The following MALRD1 variants were observed in gnomAD, a reference collection of about 807,000 sequenced individuals.
MALRD1 encodes MAM and LDL receptor class A domain containing 1.
A neutral mutation model predicts 242.1 loss-of-function variants in MALRD1; 247 were observed. That is an observed-to-expected ratio of 1.02 (90% CI 0.92 to 1.13). The LOEUF is 1.13. Ranked by LOEUF, MALRD1 falls within the 50% of genes most tolerant of loss-of-function variation. The probability of loss-of-function intolerance (pLI) is 0.00; values close to 1 mark genes in which losing one functional copy is unlikely to be tolerated. For synonymous variants in MALRD1, 995 were observed against 866.6 expected (o/e 1.15, Z -2.60); for missense variants, 2,989 against 2,533.1 (o/e 1.18, Z -3.86).
chr10:19,176,723 G>T (rs1211522104), intron 14 of MALRD1, among the ~76,000 whole-genome samples: 1 of 152,100 alleles, frequency 6.6e-6, no homozygotes, highest in Non-Finnish European at 1.5e-5. Flanking sequence ...TATTCAGAAT[G>T]TGTATCCTGC....
At chr10:19,200,044 C>T (rs1836451919) in intron 14 of MALRD1, among the ~76,000 whole-genome samples, 1 of 152,066 alleles carries the variant, frequency 6.6e-6, no homozygotes, top group South Asian at 2.1e-4. Context: ...CGGAGAACGG[C>T]CTGAGCCTGG....
intron 38 of MALRD1, among the ~76,000 whole-genome samples, chr10:19,703,632 C>G (rs533370962): frequency 5.8e-4 from 88 of 152,318 alleles, no homozygotes; most frequent in Non-Finnish European, 9.1e-4. Context: ...CAGTGGCTCA[C>G]ATTGGTAATC....
intron 8 of MALRD1, 91 bp from the exon 9 acceptor site, chr10:19,133,765 A>T: frequency 2.1e-6 from 1 of 487,560 alleles, no homozygotes; most frequent in Non-Finnish European, 3.2e-6. Context: ...AGGTAAGGTA[A>T]TACCTACTAC....
At chr10:19,073,781 G>A (rs753608779) in intron 2 of MALRD1, among the ~76,000 whole-genome samples, 2 of 152,060 alleles carry the variant, frequency 1.3e-5, no homozygotes, top group South Asian at 2.1e-4. Context: ...ATATATCAAG[G>A]TGTTTGTGAT....
intron 32 of MALRD1, among the ~76,000 whole-genome samples, chr10:19,551,541 G>A (rs751430631): frequency 7.9e-5 from 12 of 152,042 alleles, no homozygotes; most frequent in Non-Finnish European, 1.3e-4. Flanking sequence ...GGATCATGTC[G>A]CCTGCAAAGA....
At chr10:19,340,039 G>A (rs1048525781) in intron 24 of MALRD1, among the ~76,000 whole-genome samples, 8 of 152,086 alleles carry the variant, frequency 5.3e-5, no homozygotes, top group Non-Finnish European at 8.8e-5. Context: ...AGAACAGCAT[G>A]AGGGAAACCG....
Position 19,088,568 on chromosome 10 carries a change from TTTTTA to T in MALRD1, c.597+387_597+391del, listed in dbSNP as rs1488143435. Among the ~76,000 whole-genome samples, 104 of 89,200 alleles carry T rather than the reference TTTTTA, an allele frequency of 1.2e-3. 2 individuals carry two copies. The highest frequency in any genetic ancestry group is 4.7e-3 in the African/African-American group (90 of 19,352). The allele number at this position is 89,200 out of a possible 152,430, so 58.5% of individuals were successfully genotyped here. On this transcript the variant is annotated intron_variant, in intron 4 of 39. Coordinates refer to ENST00000454679, the MANE Select transcript of MALRD1 (RefSeq NM_001142308.3). ...TTTTTTTTTTATTTTATAAAGTTTT[TTTTTA>T]TTTATTTATTTATTTATTTTTTTTT... is the stretch of plus-strand genomic sequence containing the variant.
chr10:19,260,041 G>C (rs369874670), intron 19 of MALRD1, among the ~76,000 whole-genome samples: 3 of 152,108 alleles, frequency 2.0e-5, no homozygotes, highest in African/African-American at 7.2e-5. Flanking sequence ...GTTGTTGGAT[G>C]GATAAGTAGG....
At chr10:19,695,546 G>A (rs756571743) in intron 38 of MALRD1, among the ~76,000 whole-genome samples, 1 of 142,336 alleles carries the variant, frequency 7.0e-6, no homozygotes, top group Non-Finnish European at 1.5e-5. Context: ...TTGAGATGGA[G>A]TCTCACTCTG....
chr10:19,692,147 G>C, intron 36 of MALRD1, 135 bp from the exon 37 acceptor site: 2 of 673,504 alleles, frequency 3.0e-6, no homozygotes, highest in Non-Finnish European at 4.6e-6. Flanking sequence ...AAAGTTTTTG[G>C]TTTTTTATCA....
intron 25 of MALRD1, among the ~76,000 whole-genome samples, chr10:19,348,238 A>G (rs1026460782): frequency 2.0e-5 from 3 of 152,126 alleles, no homozygotes; most frequent in African/African-American, 7.2e-5. Flanking sequence ...TAAATTCCAT[A>G]GATACTGAAG....
At chr10:19,287,151 C>G (rs976227178) in intron 21 of MALRD1, among the ~76,000 whole-genome samples, 3 of 152,252 alleles carry the variant, frequency 2.0e-5, no homozygotes, top group African/African-American at 7.2e-5. Context: ...AATTGACAGT[C>G]ATAATGACAG....
chr10:19,578,786 T>C (rs1485550603), intron 33 of MALRD1, among the ~76,000 whole-genome samples: 2 of 151,988 alleles, frequency 1.3e-5, no homozygotes, highest in Non-Finnish European at 2.9e-5. Flanking sequence ...TGTTTTGCCC[T>C]TCCTTCCTCT....
chr10:19,192,718 T>C (rs1836044684), intron 14 of MALRD1, among the ~76,000 whole-genome samples: 1 of 151,270 alleles, frequency 6.6e-6, no homozygotes, highest in South Asian at 2.1e-4. Flanking sequence ...TAAATGAGTG[T>C]TGCAAGTCCC....
chr10:19,443,714 A>G (rs1322704965), intron 28 of MALRD1, among the ~76,000 whole-genome samples: 1 of 152,128 alleles, frequency 6.6e-6, no homozygotes, highest in Non-Finnish European at 1.5e-5. Flanking sequence ...GTTCTTTTAC[A>G]TTTGCTGAGG....
chr10:19,592,761 A>ACACGCGCG (rs1554808903), intron 33 of MALRD1, among the ~76,000 whole-genome samples: 2 of 132,822 alleles, frequency 1.5e-5, no homozygotes, highest in African/African-American at 2.7e-5. Flanking sequence ...ACACACACAC[A>ACACGCGCG]CGCACGCACA....
At chr10:19,621,657 A>G (rs1038959849) in intron 36 of MALRD1, among the ~76,000 whole-genome samples, 1 of 151,824 alleles carries the variant, frequency 6.6e-6, no homozygotes, top group African/African-American at 2.4e-5. Context: ...CAGAACTAAC[A>G]TTTAAACTAT....
chr10:19,714,351 C>T (rs182396440), intron 38 of MALRD1, among the ~76,000 whole-genome samples: 2 of 152,136 alleles, frequency 1.3e-5, no homozygotes, highest in Non-Finnish European at 2.9e-5. Context: ...TGGCCAAACT[C>T]CGCATCGTTC....
chr10:19,129,919 C>A (rs1401840618), intron 8 of MALRD1, among the ~76,000 whole-genome samples: 1 of 149,254 alleles, frequency 6.7e-6, no homozygotes, highest in Non-Finnish European at 1.5e-5. Flanking sequence ...TATCACATAT[C>A]TGTAGATATG....
Sources: allele counts gnomAD v4.1 joint callset (sites outside exome capture counted in the v4.1 genomes callset), GRCh38; gene constraint gnomAD v4.1.1; transcripts MANE v1.5; gene names NCBI Gene and HGNC (gene_info 2026-07-23, HGNC 2026-07-21).